The following CSMD1 variants were observed in gnomAD, a reference collection of about 807,000 sequenced individuals.
CSMD1 encodes CUB and sushi domain-containing protein 1.
CSMD1 carries 213 observed loss-of-function variants against 417.5 expected under a neutral mutation model. The observed-to-expected ratio is 0.51, with a 90% CI of 0.46 to 0.57. CSMD1 has a LOEUF of 0.57. Ranked by LOEUF, CSMD1 falls within the 20% of genes least tolerant of loss-of-function variation. The probability of loss-of-function intolerance (pLI) is 0.00; values close to 1 mark genes in which losing one functional copy is unlikely to be tolerated. For synonymous variants in CSMD1, 2,862 were observed against 1,736.8 expected (o/e 1.65, Z -16.11); for missense variants, 6,923 against 4,529.7 (o/e 1.53, Z -15.17).
At position 4,919,560 on chromosome 8, in the gene CSMD1, A is replaced by G. The variant is rs181809804; in HGVS notation, c.85+74772T>C. The stretch of plus-strand genomic sequence containing the variant: ...CAGATCTTTCATAAAATGTTGACAT[A>G]AAATAAAATGATTCAATACCCAGTA... On this transcript the variant is annotated intron_variant, in intron 1 of 69. Transcript: ENST00000635120. Among the ~76,000 whole-genome samples, 111 of 152,346 alleles carry G rather than the reference A, an allele frequency of 7.3e-4. 1 individual carries two copies. In the Middle Eastern group the frequency reaches 0.014, roughly 19 times the overall value.
intron 3 of CSMD1, among the ~76,000 whole-genome samples, chr8:4,223,366 C>T (rs1479383273): frequency 6.6e-6 from 1 of 152,262 alleles, no homozygotes; most frequent in Non-Finnish European, 1.5e-5. Flanking sequence ...ACCTGTAGTC[C>T]ATCCATCAAG....
chr8:3,059,298 C>G (rs939147259), intron 49 of CSMD1, among the ~76,000 whole-genome samples: 1 of 150,096 alleles, frequency 6.7e-6, no homozygotes, highest in Non-Finnish European at 1.5e-5. Context: ...TAAACGTTTA[C>G]CAAAAACACG....
At chr8:3,644,929 G>C (rs1216751554) in intron 7 of CSMD1, among the ~76,000 whole-genome samples, 1 of 133,412 alleles carries the variant, frequency 7.5e-6, no homozygotes, top group Non-Finnish European at 1.5e-5. Context: ...CATTTTCCCT[G>C]GAAATTCCAG....
At chr8:4,304,624 C>A (rs1264619729) in intron 3 of CSMD1, among the ~76,000 whole-genome samples, 3 of 152,224 alleles carry the variant, frequency 2.0e-5, no homozygotes, top group South Asian at 2.1e-4. Context: ...TTATACAGAT[C>A]AGATTCCCCT....
intron 5 of CSMD1, among the ~76,000 whole-genome samples, chr8:3,912,810 G>C (rs1031133549): frequency 6.6e-6 from 1 of 152,218 alleles, no homozygotes; most frequent in Admixed American, 6.5e-5. Context: ...AGTAAACATG[G>C]TAGGATTTTA....
At chr8:4,639,971 C>T (rs1803093211) in intron 1 of CSMD1, among the ~76,000 whole-genome samples, 1 of 152,106 alleles carries the variant, frequency 6.6e-6, no homozygotes, top group African/African-American at 2.4e-5. Context: ...AGCTTGTCTG[C>T]TTTACGAGTA....
chr8:4,802,030 T>C lies in CSMD1; in HGVS notation c.86-164472A>G, dbSNP rs945955429. ...GCTTCCCTGGTGTAGACAGACCATT[T>C]GCAAAGGGCATTAATGGACGTAGCT... is the stretch of plus-strand genomic sequence containing the variant. On this transcript the variant is annotated intron_variant, in intron 1 of 69. Transcript: ENST00000635120. Among the ~76,000 whole-genome samples, 18 of 152,196 alleles carry C rather than the reference T, an allele frequency of 1.2e-4. 1 individual carries two copies. The highest frequency in any genetic ancestry group is 1.8e-4 in the Non-Finnish European group (12 of 68,046).
chr8:4,454,975 T>A (rs1333475517), intron 2 of CSMD1, among the ~76,000 whole-genome samples: 1 of 152,130 alleles, frequency 6.6e-6, no homozygotes, highest in East Asian at 1.9e-4. Flanking sequence ...GGACCTGGGA[T>A]GGCAGAGTTA....
chr8:4,405,116 C>G (rs945871486), intron 3 of CSMD1, among the ~76,000 whole-genome samples: 7 of 152,282 alleles, frequency 4.6e-5, no homozygotes, highest in African/African-American at 1.7e-4. Flanking sequence ...CAGACTATTG[C>G]CTTAGCATTG....
intron 3 of CSMD1, among the ~76,000 whole-genome samples, chr8:4,165,353 C>A (rs1797394640): frequency 6.6e-6 from 1 of 152,238 alleles, no homozygotes; most frequent in East Asian, 1.9e-4. Flanking sequence ...CCCACAAATT[C>A]CTTAGGACTC....
At chr8:3,129,905 C>CG (rs1039213140) in intron 41 of CSMD1, among the ~76,000 whole-genome samples, 30 of 151,874 alleles carry the variant, frequency 2.0e-4, no homozygotes, top group African/African-American at 6.5e-4. Flanking sequence ...CACCTGAGCC[C>CG]GGGGGGCGGA....
rs114060810 is a variant in CSMD1 at position 4,633,977 on chromosome 8, C to T, written c.302+3365G>A. Among the ~76,000 whole-genome samples, 518 of 146,150 alleles carry T rather than the reference C, an allele frequency of 3.5e-3. 4 individuals carry two copies. The highest frequency in any genetic ancestry group is 0.013 in the African/African-American group (498 of 38,834). On this transcript the variant is annotated intron_variant, in intron 2 of 69. Transcript: ENST00000635120. Reference sequence around the variant, plus strand: ...AATAAAGTTCAGCTGTTTAAAACAGCAACCACCTGACAGGTCATTAAAAAA... The same window carrying T: ...AATAAAGTTCAGCTGTTTAAAACAGTAACCACCTGACAGGTCATTAAAAAA...
chr8:4,316,785 T>C (rs1309109400), intron 3 of CSMD1, among the ~76,000 whole-genome samples: 1 of 152,098 alleles, frequency 6.6e-6, no homozygotes, highest in Non-Finnish European at 1.5e-5. Context: ...AATCCAGAAG[T>C]AAATCTATAT....
intron 2 of CSMD1, among the ~76,000 whole-genome samples, chr8:4,632,473 T>C (rs571026359): frequency 5.9e-5 from 9 of 152,080 alleles, no homozygotes; most frequent in South Asian, 2.1e-4. Flanking sequence ...TATAGTACCA[T>C]TGCACTCCAG....
rs533250231 is a variant in CSMD1, at chr8:3,029,445, A to G, written c.7729T>C (p.Leu2577=). Residue 2577 remains leucine (L), a synonymous_variant, in exon 51 of 70, where the codon TTG becomes CTG. Coordinates refer to ENST00000635120, the MANE Select transcript of CSMD1 (RefSeq NM_033225.6). ...HVIWRLVSGS[L]NEYGAQVLLS... is the part of the protein sequence containing the mutation. The stretch of plus-strand genomic sequence containing the variant: ...AATACTTGAGCACCGTACTCATTCA[A>G]GGATCCTGAAACCAGCCTCCAGATG... 9 of 1,609,602 alleles carry G rather than the reference A, an allele frequency of 5.6e-6. No individual in the cohort carries two copies. The East Asian group carries it at 2.0e-4, about 36-fold the overall frequency.
intron 26 of CSMD1, among the ~76,000 whole-genome samples, chr8:3,276,413 G>C (rs1279223096): frequency 6.6e-6 from 1 of 152,168 alleles, no homozygotes; most frequent in African/African-American, 2.4e-5. Context: ...CGTTCATCTT[G>C]GCTTCTCCGA....
At chr8:4,857,171 G>C (rs538088429) in intron 1 of CSMD1, among the ~76,000 whole-genome samples, 9 of 150,876 alleles carry the variant, frequency 6.0e-5, no homozygotes, top group African/African-American at 2.2e-4. Context: ...TGACTACTGG[G>C]TACATAACGA....
intron 7 of CSMD1, among the ~76,000 whole-genome samples, chr8:3,698,314 G>T (rs2251863): frequency 0.11 from 16,114 of 152,106 alleles, 968 homozygotes; most frequent in African/African-American, 0.17. Context: ...TATGGAGATG[G>T]GTCTTTGCTA....
chr8:3,781,456 C>T (rs746905089), intron 5 of CSMD1, among the ~76,000 whole-genome samples: 2 of 151,832 alleles, frequency 1.3e-5, no homozygotes, highest in Non-Finnish European at 2.9e-5. Flanking sequence ...TCAGAGAATA[C>T]GGGTTAAGGG....
Sources: gnomAD v4.1 joint callset for allele counts (sites outside exome capture counted in the v4.1 genomes callset) on GRCh38, gnomAD v4.1.1 for gene constraint, MANE v1.5 for transcripts, NCBI Gene and HGNC (gene_info 2026-07-23, HGNC 2026-07-21) for gene names.